SMARCD2: variants seen among roughly 807,000 people sequenced by gnomAD.
SMARCD2 encodes SWI/SNF-related matrix-associated actin-dependent regulator of chromatin subfamily D member 2.
In SMARCD2, 39 loss-of-function variants were observed where a neutral mutation model predicts 70.4. The observed-to-expected ratio is 0.55, with a 90% CI of 0.43 to 0.72. The LOEUF (loss-of-function observed/expected upper bound fraction) is 0.72, where lower values mean the gene tolerates loss of function less well. Ranked by LOEUF, SMARCD2 falls within the 30% of genes least tolerant of loss-of-function variation. SMARCD2 has a pLI of 0.00. For synonymous variants in SMARCD2, 249 were observed against 279.4 expected (o/e 0.89, Z 1.08); for missense variants, 540 against 713.4 (o/e 0.76, Z 2.77).
rs1265553876 is a variant in SMARCD2 at position 63,834,980 on chromosome 17, T to C, written c.724-180A>G. ...TGGAGGCAGGGAAATGGTGCCCTCT[T>C]GCAGCCCACGAGGGACTTCCTCGAG... On this transcript the variant is annotated intron_variant, in intron 5 of 12. Transcript: ENST00000448276. The surrounding 1 kb of genome is among the most constrained non-coding windows in gnomAD (Gnocchi z 5.6). The C allele has an allele frequency of 1.7e-6, 1 of 600,368 alleles. No individual in the cohort carries two copies. The highest frequency in any genetic ancestry group is 3.0e-6 in the Non-Finnish European group (1 of 338,670). 37.2% of individuals were successfully genotyped at this position (600,368 alleles called of 1,614,324 possible). A position where few individuals can be genotyped will look rare whatever the true frequency, so the allele number is the denominator to read the frequency against.
chr17:63,832,148 C>A lies in SMARCD2; in HGVS notation c.*790G>T. 1 of 657,226 alleles carries A rather than the reference C, an allele frequency of 1.5e-6. No homozygotes were observed. The highest frequency in any genetic ancestry group is 2.6e-6 in the Non-Finnish European group (1 of 380,754). The allele number at this position is 657,226 out of a possible 1,614,324, so 40.7% of individuals were successfully genotyped here. A position where few individuals can be genotyped will look rare whatever the true frequency, so the allele number is the denominator to read the frequency against. On this transcript the variant is annotated 3_prime_UTR_variant, in exon 13 of 13. Coordinates refer to ENST00000448276, the MANE Select transcript of SMARCD2 (RefSeq NM_001098426.2). ...GATGTGGCACTCGCCAAGCCCTAGG[C>A]CCACCCTCCTCACCAAGCTCCAAAG...
In SMARCD2 at chr17:63,833,045, A is replaced by C; in HGVS notation, c.1542+24T>G. On this transcript the variant is annotated intron_variant, in intron 12 of 12. Coordinates refer to ENST00000448276, the MANE Select transcript of SMARCD2 (RefSeq NM_001098426.2). The surrounding 1 kb of genome is among the most constrained non-coding windows in gnomAD (Gnocchi z 4.3). Reference sequence around the variant, plus strand: ...GGCCTTTGCTACTCACGGCCAAAGGAGGGAAAACAGGGCAGAGCCTCACCT... The same window carrying C: ...GGCCTTTGCTACTCACGGCCAAAGGCGGGAAAACAGGGCAGAGCCTCACCT... 6.3e-7 allele frequency: 1 copy of C among 1,586,886 alleles called. No individual in the cohort carries two copies. Among genetic ancestry groups the C allele is most frequent in the Non-Finnish European group, 8.6e-7 (1 of 1,167,226 alleles).
chr17:63,838,567 G>A (rs1464941670), intron 1 of SMARCD2: 18 of 1,392,628 alleles, frequency 1.3e-5, no homozygotes, highest in South Asian at 6.3e-5. Context: ...GAAAGTGGGA[G>A]ACAGAAATAG....
intron 1 of SMARCD2, 54 bp downstream of exon 1, chr17:63,842,405 C>T: frequency 1.5e-6 from 2 of 1,298,580 alleles, no homozygotes; most frequent in Non-Finnish European, 2.0e-6. Flanking sequence ...GCCGCCGGCC[C>T]GGGCGCCCTC....
rs1816158160 is a variant in SMARCD2 at position 63,832,657 on chromosome 17, T to TA, written c.*280dup. On this transcript the variant is annotated 3_prime_UTR_variant, in exon 13 of 13. Transcript: ENST00000448276. ...AGCAGCCTTTGGTTCGGAAATGTCTTACAATGTCAAAGCACAGCCTCCAGC... is the reference window on the plus strand; with the variant it reads ...AGCAGCCTTTGGTTCGGAAATGTCTTAACAATGTCAAAGCACAGCCTCCAGC... 1 of 519,174 alleles carries TA rather than the reference T, an allele frequency of 1.9e-6. No homozygotes were observed. The highest frequency in any genetic ancestry group is 3.4e-5 in the East Asian group (1 of 29,554). 32.2% of individuals were successfully genotyped at this position (519,174 alleles called of 1,614,324 possible).
chr17:63,837,012 G>GTACGC lies in SMARCD2; in HGVS notation c.472_476dup (p.Tyr159Ter). On this transcript the variant is annotated stop_gained and frameshift_variant, in exon 4 of 13. Transcript: ENST00000448276. LOFTEE classifies it high-confidence loss of function. The surrounding 1 kb of genome is among the most constrained non-coding windows in gnomAD (Gnocchi z 6.4). ...TCCGCTCAAAAGCCAAGAGATCCAT[G>GTACGC]TACGCCTGAGACTCTGGAACAAGCT... The GTACGC allele has an allele frequency of 6.2e-7, 1 of 1,613,956 alleles. No individual in the cohort carries two copies. Among genetic ancestry groups the GTACGC allele is most frequent in the African/African-American group, 1.3e-5 (1 of 75,060 alleles).
At position 63,837,021 on chromosome 17, in the gene SMARCD2, A is replaced by C; in HGVS notation, c.468T>G (p.Ser156=). The C allele has an allele frequency of 6.2e-7, 1 of 1,613,742 alleles. No individual in the cohort carries two copies. Among genetic ancestry groups the C allele is most frequent in the Non-Finnish European group, 8.5e-7 (1 of 1,179,630 alleles). Residue 156 remains serine, a synonymous_variant, in exon 4 of 13, where the codon TCT becomes TCG. Transcript: ENST00000448276. The surrounding 1 kb of genome is among the most constrained non-coding windows in gnomAD (Gnocchi z 6.4). ...AAGCCAAGAGATCCATGTACGCCTG[A>C]GACTCTGGAACAAGCTCCCGGATCT... ...PQRIRELVPE[S]QAYMDLLAFE... is the part of the protein sequence containing the mutation.
At chr17:63,836,403 CAAG>C (rs893625902) in intron 4 of SMARCD2, among the ~76,000 whole-genome samples, 2 of 144,230 alleles carry the variant, frequency 1.4e-5, no homozygotes, top group Non-Finnish European at 3.0e-5. Context: ...GAGGCTGAGG[CAAG>C]AAGAATTACT....
rs186310191 is a variant in SMARCD2 at position 63,839,370 on chromosome 17, C to T, written c.217-1745G>A. 4.7e-4 allele frequency: 134 copies of T among 285,498 alleles called. 2 individuals carry two copies. In the East Asian group the frequency reaches 8.5e-3, roughly 18 times the overall value. 17.7% of individuals were successfully genotyped at this position (285,498 alleles called of 1,614,324 possible). Reference sequence around the variant, plus strand: ...ACCCATCCCTCCTGGGCAGGTGCTCCGGTAACAGGAAGTCCCAAGACAAGG... The same window carrying T: ...ACCCATCCCTCCTGGGCAGGTGCTCTGGTAACAGGAAGTCCCAAGACAAGG... On this transcript the variant is annotated intron_variant, in intron 1 of 12. Coordinates refer to ENST00000448276, the MANE Select transcript of SMARCD2 (RefSeq NM_001098426.2).
Position 63,836,936 on chromosome 17 carries a change from T to G in SMARCD2, c.553A>C (p.Lys185Gln). ...RKRMEIQEAI[K>Q]KPLTQKRKLR... ...GCCACACATACTGTCAGAGGCTTTT[T>G]GATGGCCTCCTGGATCTCCATCCGC... Residue 185 changes from lysine to glutamine, a missense_variant, in exon 4 of 13, where the codon AAA becomes CAA. Coordinates refer to ENST00000448276, the MANE Select transcript of SMARCD2 (RefSeq NM_001098426.2). 1.2e-6 allele frequency: 2 copies of G among 1,613,796 alleles called. No individual in the cohort carries two copies. The highest frequency in any genetic ancestry group is 1.7e-6 in the Non-Finnish European group (2 of 1,179,806).
In SMARCD2 at chr17:63,834,989, C is replaced by A. The variant is rs531300479; in HGVS notation, c.724-189G>T. 2 of 593,120 alleles carry A rather than the reference C, an allele frequency of 3.4e-6. No homozygotes were observed. The highest frequency in any genetic ancestry group is 3.7e-5 in the African/African-American group (2 of 53,712). The allele number at this position is 593,120 out of a possible 1,614,324, so 36.7% of individuals were successfully genotyped here. On this transcript the variant is annotated intron_variant, in intron 5 of 12. Transcript: ENST00000448276. This position sits in a 1 kb window ranked among gnomAD's most constrained non-coding sequence, Gnocchi z 5.6. ...GGAAATGGTGCCCTCTTGCAGCCCA[C>A]GAGGGACTTCCTCGAGACACTCGAC... is the stretch of plus-strand genomic sequence containing the variant.
rs766896361 is a variant in SMARCD2, at chr17:63,837,600, C to T, written c.242G>A (p.Arg81Gln). Reference sequence around the variant, plus strand: ...CACCTGCAAGCCAGCCATGGGCATCCGGTTCCCTGGTGACATGCCAGGTCG... The same window carrying T: ...CACCTGCAAGCCAGCCATGGGCATCTGGTTCCCTGGTGACATGCCAGGTCG... ...YQRPGMSPGN[R>Q]MPMAGLQVGP... Residue 81 changes from arginine to glutamine, a missense_variant, in exon 2 of 13, where the codon CGG (arginine) becomes CAG (glutamine). By Grantham distance (43) the Arg-to-Gln change is conservative. Transcript: ENST00000448276. The surrounding 1 kb of genome is among the most constrained non-coding windows in gnomAD (Gnocchi z 6.4). 9.3e-6 allele frequency: 15 copies of T among 1,612,886 alleles called. No homozygotes were observed. Among genetic ancestry groups the T allele is most frequent in the Admixed American group, 8.3e-5 (5 of 59,886 alleles).
Position 63,834,207 on chromosome 17 carries a change from T to C in SMARCD2, c.1043A>G (p.His348Arg), listed in dbSNP as rs1168892247. 6.2e-7 allele frequency: 1 copy of C among 1,608,258 alleles called. No homozygotes were observed. The highest frequency in any genetic ancestry group is 2.2e-5 in the East Asian group (1 of 44,714). Residue 348 changes from histidine (H) to arginine (R), a missense_variant, in exon 8 of 13, where the codon CAC (histidine) becomes CGC (arginine). Physicochemically the swap from His to Arg is conservative, Grantham distance 29. Coordinates refer to ENST00000448276, the MANE Select transcript of SMARCD2 (RefSeq NM_001098426.2). This position sits in a 1 kb window ranked among gnomAD's most constrained non-coding sequence, Gnocchi z 5.6. ...YIKHNQLQDG[H>R]EREYINCNRY... is the part of the protein sequence containing the mutation. ...GTTGCAGTTGATGTACTCCCGCTCG[T>C]GCCCATCCTGCAGCTGGTTGTGCTT...
Position 63,833,367 on chromosome 17 carries a change from C to T in SMARCD2, c.1371G>A (p.Met457Ile). ...INQLKTQRDFMLSFSTDPQDF... is the reference protein window; with the variant it reads ...INQLKTQRDFILSFSTDPQDF... The stretch of plus-strand genomic sequence containing the variant: ...CCTGGGGGTCGGTGCTAAAACTGAG[C>T]ATGAAATCTCTCTGGGTCTTCAGCT... Residue 457 changes from methionine to isoleucine, a missense_variant, in exon 11 of 13, where the codon ATG (methionine) becomes ATA (isoleucine). Met to Ile is a conservative substitution (Grantham distance 10). Transcript: ENST00000448276. The surrounding 1 kb of genome is among the most constrained non-coding windows in gnomAD (Gnocchi z 4.3). 6.2e-7 allele frequency: 1 copy of T among 1,613,990 alleles called. No individual in the cohort carries two copies. The highest frequency in any genetic ancestry group is 1.1e-5 in the South Asian group (1 of 91,068).
intron 1 of SMARCD2, among the ~76,000 whole-genome samples, chr17:63,841,407 G>A (rs1485069397): frequency 6.6e-6 from 1 of 152,218 alleles, no homozygotes; most frequent in African/African-American, 2.4e-5. Flanking sequence ...CAGCAAACCC[G>A]TAGATGAGCA....
chr17:63,832,738 T>G lies in SMARCD2; in HGVS notation c.*200A>C. The G allele has an allele frequency of 3.3e-6, 2 of 610,018 alleles. No individual in the cohort carries two copies. Among genetic ancestry groups the G allele is most frequent in the Non-Finnish European group, 5.8e-6 (2 of 341,946 alleles). 37.8% of individuals were successfully genotyped at this position (610,018 alleles called of 1,614,324 possible). A position where few individuals can be genotyped will look rare whatever the true frequency, so the allele number is the denominator to read the frequency against. ...AGAGGAGGCATCTGCTGAACCCAAT[T>G]AAAGCCAATGCAAAAAGTATAAGGC... On this transcript the variant is annotated 3_prime_UTR_variant, in exon 13 of 13. Transcript: ENST00000448276.
chr17:63,833,368 A>G lies in SMARCD2; in HGVS notation c.1370T>C (p.Met457Thr). Residue 457 changes from methionine (M) to threonine (T), a missense_variant, in exon 11 of 13, where the codon ATG becomes ACG. By Grantham distance (81) the Met-to-Thr change is moderately conservative (BLOSUM62 -1). Coordinates refer to ENST00000448276, the MANE Select transcript of SMARCD2 (RefSeq NM_001098426.2). This position sits in a 1 kb window ranked among gnomAD's most constrained non-coding sequence, Gnocchi z 4.3. ...CTGGGGGTCGGTGCTAAAACTGAGC[A>G]TGAAATCTCTCTGGGTCTTCAGCTG... ...INQLKTQRDF[M>T]LSFSTDPQDF... 3 of 1,614,050 alleles carry G rather than the reference A, an allele frequency of 1.9e-6. No individual in the cohort carries two copies. The highest frequency in any genetic ancestry group is 2.5e-6 in the Non-Finnish European group (3 of 1,179,914).
Position 63,833,232 on chromosome 17 carries a change from G to C in SMARCD2, c.1441-62C>G. The C allele has an allele frequency of 1.2e-6, 2 of 1,612,508 alleles. No individual in the cohort carries two copies. The highest frequency in any genetic ancestry group is 1.7e-4 in the Middle Eastern group (1 of 6,060). ...CCACCCCTGGGCTAATCCACCCTGG[G>C]AACTGCTGTGGGTAAAAATCACCCA... is the stretch of plus-strand genomic sequence containing the variant. On this transcript the variant is annotated intron_variant, in intron 11 of 12. Transcript: ENST00000448276. The surrounding 1 kb of genome is among the most constrained non-coding windows in gnomAD (Gnocchi z 4.3).
At chr17:63,842,098 G>A (rs1446991564) in intron 1 of SMARCD2, among the ~76,000 whole-genome samples, 1 of 152,160 alleles carries the variant, frequency 6.6e-6, no homozygotes, top group Non-Finnish European at 1.5e-5. Context: ...CGGTTTCTCA[G>A]CGAGGGCCCT....
Sources: allele counts gnomAD v4.1 joint callset (sites outside exome capture counted in the v4.1 genomes callset), GRCh38; gene constraint gnomAD v4.1.1; non-coding constraint Gnocchi (gnomAD v3.1); transcripts MANE v1.5; gene names NCBI Gene and HGNC (gene_info 2026-07-23, HGNC 2026-07-21).